The following FAAH2 variants were observed in gnomAD, a reference collection of about 807,000 sequenced individuals.
The protein encoded by FAAH2 is fatty acid amide hydrolase 2.
Under a neutral mutation model 36.9 loss-of-function variants are expected in FAAH2, and 60 were observed. That is an observed-to-expected ratio of 1.63 (90% CI 1.32 to 2.02). The LOEUF is 2.02. Among genes scored for constraint, FAAH2 ranks in the 30% most tolerant of loss-of-function variants. The pLI is 0.00. For missense variants in FAAH2, 689 were observed against 397.5 expected (o/e 1.73, Z -6.23); for synonymous variants, 214 against 143.8 (o/e 1.49, Z -3.49).
upstream of FAAH2, among the ~76,000 whole-genome samples, chrX:57,284,145 C>T (rs1217724263): frequency 8.9e-6 from 1 of 112,120 alleles, no homozygotes; most frequent in East Asian, 2.8e-4. Context: ...AGCCTGAGAA[C>T]TCAGGCAGGG....
At chrX:57,290,475 G>T (rs1443663286) in intron 1 of FAAH2, among the ~76,000 whole-genome samples, 2 of 111,505 alleles carry the variant, frequency 1.8e-5, no homozygotes, top group Non-Finnish European at 3.8e-5. Flanking sequence ...AAAAGAAAAA[G>T]TACATGTAAC....
At chrX:57,421,579 ATCT>A (rs777846640) in intron 7 of FAAH2, among the ~76,000 whole-genome samples, 36 of 111,566 alleles carry the variant, frequency 3.2e-4, no homozygotes, top group Non-Finnish European at 3.0e-4. Context: ...AAATACCTCT[ATCT>A]TCTTCTTATA....
chrX:57,358,977 A>G (rs1056470034), intron 5 of FAAH2, among the ~76,000 whole-genome samples: 5 of 111,292 alleles, frequency 4.5e-5, no homozygotes, highest in Non-Finnish European at 7.6e-5. Context: ...CATAGTAATC[A>G]TATCAGGGTG....
chrX:57,307,533 A>G lies in FAAH2; in HGVS notation c.276-3060A>G, dbSNP rs1486597438. ...ACATATTCTAGCAGCTGTATTTTAAAAAGTGAAAAGAAACAGGTGGAATTA... is the reference window on the plus strand; with the variant it reads ...ACATATTCTAGCAGCTGTATTTTAAGAAGTGAAAAGAAACAGGTGGAATTA... On this transcript the variant is annotated intron_variant, in intron 2 of 10. Transcript: ENST00000374900. Among the ~76,000 whole-genome samples, 4 of 111,753 alleles carry G rather than the reference A, an allele frequency of 3.6e-5. No individual in the cohort carries two copies. In the East Asian group the frequency reaches 1.1e-3, roughly 32 times the overall value.
chrX:57,199,330 T>G, the FAAH2 span, among the ~76,000 whole-genome samples: 2 of 111,682 alleles, frequency 1.8e-5, no homozygotes, highest in Admixed American at 1.9e-4. Context: ...CTTCTCAATT[T>G]TTTTAGTAAC....
chrX:57,470,148 G>A (rs1014567090), intron 10 of FAAH2, among the ~76,000 whole-genome samples: 19 of 111,186 alleles, frequency 1.7e-4, no homozygotes. Context: ...GAGAAAGCAG[G>A]AAAGATCGAA....
intron 10 of FAAH2, among the ~76,000 whole-genome samples, chrX:57,449,542 G>A (rs747502335): frequency 9.0e-6 from 1 of 111,354 alleles, no homozygotes; most frequent in Non-Finnish European, 1.9e-5. Context: ...TTAACATAAG[G>A]GTTGTGGAGG....
the FAAH2 span, among the ~76,000 whole-genome samples, chrX:57,256,218 A>T: frequency 8.9e-6 from 1 of 111,753 alleles, no homozygotes. Context: ...CTTACAAGGG[A>T]TGTGAAGGAC....
At chrX:57,356,198 TG>T (rs1445421712) in intron 5 of FAAH2, among the ~76,000 whole-genome samples, 1 of 111,389 alleles carries the variant, frequency 9.0e-6, no homozygotes, top group Non-Finnish European at 1.9e-5. Context: ...TTTGCATCCA[TG>T]TTTATCAGGG....
At chrX:57,150,066 G>T in the FAAH2 span, among the ~76,000 whole-genome samples, 1 of 112,033 alleles carries the variant, frequency 8.9e-6, no homozygotes, top group East Asian at 2.8e-4. Context: ...GTAGTTGAAC[G>T]GTTTTGAGAG....
At chrX:57,158,671 CT>C in the FAAH2 span, among the ~76,000 whole-genome samples, 1 of 111,955 alleles carries the variant, frequency 8.9e-6, no homozygotes, top group South Asian at 3.8e-4. Context: ...TGTTCATATC[CT>C]TTGCCCACTT....
At chrX:57,192,143 A>T in the FAAH2 span, among the ~76,000 whole-genome samples, 5 of 111,518 alleles carry the variant, frequency 4.5e-5, no homozygotes, top group African/African-American at 1.6e-4. Flanking sequence ...AATTTTTTTT[A>T]AATAAATGTT....
the FAAH2 span, among the ~76,000 whole-genome samples, chrX:57,242,033 C>T: frequency 3.3e-3 from 372 of 112,558 alleles, no homozygotes; most frequent in Non-Finnish European, 4.6e-3. Flanking sequence ...CTTAAATGTT[C>T]CTGCCAGACG....
chrX:57,254,286 G>T, the FAAH2 span, among the ~76,000 whole-genome samples: 1 of 111,632 alleles, frequency 9.0e-6, no homozygotes, highest in South Asian at 3.7e-4. Flanking sequence ...AGTCCTTAGT[G>T]ACCTACAAAG....
intron 3 of FAAH2, among the ~76,000 whole-genome samples, chrX:57,319,626 C>T (rs1326425264): frequency 8.9e-6 from 1 of 111,953 alleles, no homozygotes; most frequent in Non-Finnish European, 1.9e-5. Context: ...ATGCTATCCC[C>T]ATTGAACTGC....
At chrX:57,220,996 A>G in the FAAH2 span, among the ~76,000 whole-genome samples, 3 of 111,984 alleles carry the variant, frequency 2.7e-5, no homozygotes, top group Non-Finnish European at 5.6e-5. Flanking sequence ...GTAGGCCAGT[A>G]TATTTTTAAA....
intron 7 of FAAH2, among the ~76,000 whole-genome samples, chrX:57,408,858 G>A (rs999563024): frequency 2.9e-4 from 32 of 111,356 alleles, no homozygotes; most frequent in Admixed American, 2.1e-3. Flanking sequence ...TGGTAATGTG[G>A]TGTGTCATGT....
At chrX:57,148,345 C>T in the FAAH2 span, among the ~76,000 whole-genome samples, 2 of 111,694 alleles carry the variant, frequency 1.8e-5, no homozygotes, top group Admixed American at 1.9e-4. Flanking sequence ...CTATAAATTA[C>T]CTTGGGCATT....
chrX:57,306,853 GTA>G (rs764609841), intron 2 of FAAH2, among the ~76,000 whole-genome samples: 109 of 87,677 alleles, frequency 1.2e-3, no homozygotes, highest in African/African-American at 4.0e-3. Flanking sequence ...CTATATATGT[GTA>G]TATATATACA....
Sources: allele counts gnomAD v4.1 joint callset (sites outside exome capture counted in the v4.1 genomes callset), GRCh38; gene constraint gnomAD v4.1.1; transcripts MANE v1.5; gene names NCBI Gene and HGNC (gene_info 2026-07-23, HGNC 2026-07-21).